The following GRAMD1A variants were observed in gnomAD, a reference collection of about 807,000 sequenced individuals.
The protein encoded by GRAMD1A is protein Aster-A.
Under a neutral mutation model 92.0 loss-of-function variants are expected in GRAMD1A, and 50 were observed. The observed-to-expected ratio is 0.54, with a 90% confidence interval of 0.43 to 0.69. GRAMD1A has a LOEUF of 0.69. Ranked by LOEUF, GRAMD1A falls within the 30% of genes least tolerant of loss-of-function variation. The pLI is 0.00. For synonymous variants in GRAMD1A, 405 were observed against 403.6 expected, an observed-to-expected ratio of 1.00 and a Z score of -0.04; for missense variants, 819 against 978.9, an observed-to-expected ratio of 0.84 and a Z score of 2.18.
At position 35,009,998 on chromosome 19, in the gene GRAMD1A, C is replaced by T. The variant is rs769638044; in HGVS notation, c.325+26C>T. On this transcript the variant is annotated intron_variant, in intron 4 of 19. Transcript: ENST00000317991. ...GTGAGTCCCGGACCCCCAGTCCCAG[C>T]TCCTAGCCCAGCCCTGTGACTCTCC... is the stretch of plus-strand genomic sequence containing the variant. 6 of 1,573,722 alleles carry T rather than the reference C, an allele frequency of 3.8e-6. No homozygotes were observed. In the South Asian group the frequency reaches 5.5e-5, roughly 15 times the overall value.
chr19:35,009,223 G>C lies in GRAMD1A; in HGVS notation c.113G>C (p.Gly38Ala). 6.2e-7 allele frequency: 1 copy of C among 1,613,682 alleles called. No individual in the cohort carries two copies. The highest frequency in any genetic ancestry group is 1.1e-5 in the South Asian group (1 of 91,076). Residue 38 changes from glycine (G) to alanine (A), a missense_variant, in exon 2 of 20, where the codon GGC becomes GCC. Physicochemically the swap from Gly to Ala is moderately conservative, Grantham distance 60 (BLOSUM62 0). This residue lies in a region of GRAMD1A where 98 missense variants were observed against 84.0 expected (regional missense o/e 1.17). Coordinates refer to ENST00000317991, the MANE Select transcript of GRAMD1A (RefSeq NM_020895.5). The stretch of plus-strand genomic sequence containing the variant: ...CGGCCCCCACCTGAGCCAGAACCAG[G>C]CACCATGGTGGAGAAGGGATCAGAT... ...PSRPPPEPEP[G>A]TMVEKGSDSS...
chr19:35,015,793 G>T (rs766457367), intron 10 of GRAMD1A, 31 bp from the exon 11 acceptor site: 4 of 1,605,360 alleles, frequency 2.5e-6, no homozygotes, highest in Non-Finnish European at 3.4e-6. Context: ...AGTGGAGGCA[G>T]TCATCATCCT....
chr19:35,023,004 A>G, intron 17 of GRAMD1A, 93 bp downstream of exon 17: 3 of 690,108 alleles, frequency 4.3e-6, no homozygotes, highest in Non-Finnish European at 6.0e-6. Context: ...CAGCTCCCCC[A>G]GGGAGGTGGC....
Position 35,009,984 on chromosome 19 carries a change from AC to A in GRAMD1A, c.325+17del. 1 of 1,595,304 alleles carries A rather than the reference AC, an allele frequency of 6.3e-7. No homozygotes were observed. The highest frequency in any genetic ancestry group is 8.6e-7 in the Non-Finnish European group (1 of 1,163,330). On this transcript the variant is annotated intron_variant, in intron 4 of 19. Coordinates refer to ENST00000317991, the MANE Select transcript of GRAMD1A (RefSeq NM_020895.5). ...ACGCCTCATTGTGGGTGAGTCCCGG[AC>A]CCCCAGTCCCAGCTCCTAGCCCAGC...
chr19:35,003,365 T>C (rs1258375007), intron 1 of GRAMD1A, among the ~76,000 whole-genome samples: 1 of 152,182 alleles, frequency 6.6e-6, no homozygotes, highest in Non-Finnish European at 1.5e-5. Flanking sequence ...GTCAGGTGTC[T>C]GCGGAAGCAA....
At chr19:35,015,631 T>G (rs2015566608) in intron 10 of GRAMD1A, 193 bp from the exon 11 acceptor site, 2 of 543,370 alleles carry the variant, frequency 3.7e-6, no homozygotes, top group Admixed American at 3.5e-5. Context: ...TGGCTGTCTG[T>G]CTGGGCCTGG....
chr19:35,017,229 C>T (rs545023819), intron 11 of GRAMD1A, among the ~76,000 whole-genome samples: 1 of 152,080 alleles, frequency 6.6e-6, no homozygotes, highest in South Asian at 2.1e-4. Flanking sequence ...CGGCATCATG[C>T]TTCCTATACA....
At chr19:34,996,803 CAAAAAAAAAA>C (rs944025116), upstream of GRAMD1A, among the ~76,000 whole-genome samples, 3 of 60,472 alleles carry the variant, frequency 5.0e-5, no homozygotes, top group Non-Finnish European at 1.1e-4. Flanking sequence ...GACTCTGTCT[CAAAAAAAAAA>C]AAAAAAAAGA....
chr19:35,013,307 G>C lies in GRAMD1A; in HGVS notation c.658G>C (p.Glu220Gln). The change falls in exon 8 of 20, where the codon GAG (glutamate) becomes CAG (glutamine). Residue 220 changes from glutamate (E) to glutamine (Q), a missense_variant. Glu to Gln is a conservative substitution (Grantham distance 29, BLOSUM62 2). Around this residue, in one of 3 missense-constraint regions of GRAMD1A, gnomAD observed 144 missense variants for 220.3 expected, o/e 0.65. Transcript: ENST00000317991. This position sits in a 1 kb window ranked among gnomAD's most constrained non-coding sequence, Gnocchi z 4.9. ...WHLVHQCYGS[E>Q]LGLTSEDEDY... Reference sequence around the variant, plus strand: ...CCTGGTGCATCAGTGCTACGGCTCAGAGCTGGGCCTCACCAGTGAGGATGA... The same window carrying C: ...CCTGGTGCATCAGTGCTACGGCTCACAGCTGGGCCTCACCAGTGAGGATGA... 1 of 1,553,324 alleles carries C rather than the reference G, an allele frequency of 6.4e-7. No homozygotes were observed. Among genetic ancestry groups the C allele is most frequent in the Non-Finnish European group, 8.7e-7 (1 of 1,147,836 alleles).
Position 35,021,768 on chromosome 19 carries a change from C to T in GRAMD1A, c.1657C>T (p.Arg553Trp), listed in dbSNP as rs371022525. 2.1e-4 allele frequency: 346 copies of T among 1,612,770 alleles called. No homozygotes were observed. Among genetic ancestry groups the T allele is most frequent in the Non-Finnish European group, 2.8e-4 (333 of 1,179,728 alleles). The change falls in exon 15 of 20, where the codon CGG (arginine) becomes TGG (tryptophan). Residue 553 changes from arginine (R) to tryptophan (W), a missense_variant. Physicochemically the swap from Arg to Trp is moderately radical, Grantham distance 101. This residue lies in a region of GRAMD1A where 577 missense variants were observed against 674.6 expected (regional missense o/e 0.86). Coordinates refer to ENST00000317991, the MANE Select transcript of GRAMD1A (RefSeq NM_020895.5). This position sits in a 1 kb window ranked among gnomAD's most constrained non-coding sequence, Gnocchi z 5.3. The stretch of plus-strand genomic sequence containing the variant: ...TGCCCGGGGCTTGCTATCCGGCCTG[C>T]GGCGGCGGAAGCGGCCCCTGAGCTG... ...KDARGLLSGL[R>W]RRKRPLSWRA...
chr19:35,023,042 TCAGA>T (rs2016185011), intron 17 of GRAMD1A, 131 bp downstream of exon 17: 1 of 853,074 alleles, frequency 1.2e-6, no homozygotes, highest in Admixed American at 2.0e-5. Context: ...GGTATGGGCA[TCAGA>T]CAGACCTGGG....
chr19:35,006,254 G>A (rs368664311), intron 1 of GRAMD1A, among the ~76,000 whole-genome samples: 7 of 152,280 alleles, frequency 4.6e-5, no homozygotes, highest in East Asian at 3.9e-4. Context: ...CCTGGGAGGC[G>A]CAGGTTGCAC....
At chr19:35,022,582 C>T (rs551636255) in intron 16 of GRAMD1A, among the ~76,000 whole-genome samples, 1 of 111,108 alleles carries the variant, frequency 9.0e-6, no homozygotes, top group East Asian at 2.7e-4. Context: ...TCAGGATGGG[C>T]GTCCTGAGAG....
chr19:35,003,541 T>G (rs145604341), intron 1 of GRAMD1A, among the ~76,000 whole-genome samples: 2 of 152,344 alleles, frequency 1.3e-5, no homozygotes, highest in African/African-American at 2.4e-5. Flanking sequence ...CTGCCCTGTC[T>G]GTGTGCCTTG....
At chr19:34,997,983 G>T (rs528957497), upstream of GRAMD1A, among the ~76,000 whole-genome samples, 23 of 150,770 alleles carry the variant, frequency 1.5e-4, no homozygotes, top group African/African-American at 5.6e-4. Context: ...CAAGAGAATC[G>T]CTTGAACCGA....
rs1035459969 is a variant in GRAMD1A, at chr19:35,010,148, G to A, written c.382G>A (p.Glu128Lys). Residue 128 changes from glutamate to lysine, a missense_variant, in exon 5 of 20, where the codon GAG becomes AAG. By Grantham distance (56) the Glu-to-Lys change is moderately conservative. Around this residue, in one of 3 missense-constraint regions of GRAMD1A, gnomAD observed 144 missense variants for 220.3 expected, o/e 0.65. Coordinates refer to ENST00000317991, the MANE Select transcript of GRAMD1A (RefSeq NM_020895.5). ...GCTCCAGGGCCGCCTCTACCTCTCT[G>A]AGAACTGGATCTGCTTCTACAGCAA... ...ILLQGRLYLS[E>K]NWICFYSNIF... 2 of 1,613,570 alleles carry A rather than the reference G, an allele frequency of 1.2e-6. No homozygotes were observed. Among genetic ancestry groups the A allele is most frequent in the Non-Finnish European group, 1.7e-6 (2 of 1,179,500 alleles).
At chr19:35,016,304 A>T (rs969469226) in intron 11 of GRAMD1A, among the ~76,000 whole-genome samples, 2 of 132,452 alleles carry the variant, frequency 1.5e-5, no homozygotes, top group Non-Finnish European at 3.2e-5. Context: ...ACAAGTTAAG[A>T]GGCTGAGGCG....
chr19:34,995,420 A>G (rs1230670688), upstream of GRAMD1A, among the ~76,000 whole-genome samples: 1 of 151,014 alleles, frequency 6.6e-6, no homozygotes, highest in African/African-American at 2.4e-5. Flanking sequence ...AGCCCCATGC[A>G]TGCCAGAGCC....
Position 35,015,801 on chromosome 19 carries a change from CCTCGGCT to C in GRAMD1A, c.1070-19_1070-13del. The C allele has an allele frequency of 6.2e-7, 1 of 1,609,140 alleles. No homozygotes were observed. The highest frequency in any genetic ancestry group is 8.5e-7 in the Non-Finnish European group (1 of 1,177,452). Reference sequence around the variant, plus strand: ...AGGGAGGAGTGGAGGCAGTCATCATCCTCGGCTCTCCTCTGTCTCCAGCGGACTTGGC... The same window carrying C: ...AGGGAGGAGTGGAGGCAGTCATCATCCTCCTCTGTCTCCAGCGGACTTGGC... On this transcript the variant is annotated splice_polypyrimidine_tract_variant and intron_variant, in intron 10 of 19. Transcript: ENST00000317991.
Sources: gnomAD v4.1 joint callset for allele counts (sites outside exome capture counted in the v4.1 genomes callset) on GRCh38, gnomAD v4.1.1 for gene constraint, gnomAD v4.1.1 regional missense constraint, Gnocchi (gnomAD v3.1) non-coding constraint, MANE v1.5 for transcripts, NCBI Gene and HGNC (gene_info 2026-07-23, HGNC 2026-07-21) for gene names.